THRB: variants seen among roughly 807,000 people sequenced by gnomAD.
The protein encoded by THRB is thyroid hormone receptor beta, also known as nuclear receptor subfamily 1 group A member 2.
Under a neutral mutation model 47.8 loss-of-function variants are expected in THRB, and 12 were observed. The observed-to-expected ratio is 0.25, with a 90% CI of 0.16 to 0.41. The LOEUF is 0.41. Among genes scored for constraint, THRB ranks in the 10% least tolerant of loss-of-function variants. The pLI, the probability that THRB is intolerant of heterozygous loss-of-function variation, is 1.00. For synonymous variants in THRB, 218 were observed against 212.2 expected (o/e 1.03, Z -0.24); for missense variants, 348 against 589.2 (o/e 0.59, Z 4.24).
intron 2 of THRB, among the ~76,000 whole-genome samples, chr3:24,336,881 C>T (rs183710061): frequency 0.02 from 3,002 of 152,170 alleles, 36 homozygotes; most frequent in African/African-American, 0.039. Flanking sequence ...ACCACCACGC[C>T]TGGCTAATTT....
At chr3:24,322,290 A>G (rs1435137114) in intron 2 of THRB, among the ~76,000 whole-genome samples, 1 of 152,200 alleles carries the variant, frequency 6.6e-6, no homozygotes, top group Admixed American at 6.5e-5. Context: ...AAACTGTTCT[A>G]TTCTTTCAAA....
At chr3:24,354,701 T>C (rs1186792547) in intron 1 of THRB, among the ~76,000 whole-genome samples, 1 of 152,126 alleles carries the variant, frequency 6.6e-6, no homozygotes, top group Non-Finnish European at 1.5e-5. Context: ...GATTACTGTG[T>C]CAACTCATGA....
At chr3:24,403,966 C>T (rs1053165103) in intron 1 of THRB, among the ~76,000 whole-genome samples, 8 of 151,942 alleles carry the variant, frequency 5.3e-5, no homozygotes, top group African/African-American at 1.9e-4. Flanking sequence ...GAGTCTGTCA[C>T]TTCAACAAAA....
chr3:24,259,936 G>T (rs908417500), intron 3 of THRB, among the ~76,000 whole-genome samples: 9 of 152,066 alleles, frequency 5.9e-5, no homozygotes, highest in Admixed American at 3.9e-4. Flanking sequence ...CCCACAGAAA[G>T]TATACAGTTT....
At chr3:24,176,663 A>AAAAC (rs2041196151) in intron 5 of THRB, among the ~76,000 whole-genome samples, 1 of 152,196 alleles carries the variant, frequency 6.6e-6, no homozygotes, top group South Asian at 2.1e-4. Context: ...GTGAATCTCA[A>AAAAC]AAACAGTATA....
intron 5 of THRB, among the ~76,000 whole-genome samples, chr3:24,187,511 G>C (rs1181690239): frequency 6.6e-6 from 1 of 152,162 alleles, no homozygotes; most frequent in Non-Finnish European, 1.5e-5. Context: ...GGGGTCCTTG[G>C]AATAGGGCTA....
intron 3 of THRB, among the ~76,000 whole-genome samples, chr3:24,278,039 C>G (rs2054119939): frequency 6.6e-6 from 1 of 152,096 alleles, no homozygotes; most frequent in African/African-American, 2.4e-5. Context: ...TTCTTCTAAT[C>G]TGATGAAGGG....
chr3:24,426,672 T>C (rs1394508963), intron 1 of THRB, among the ~76,000 whole-genome samples: 1 of 152,022 alleles, frequency 6.6e-6, no homozygotes, highest in Admixed American at 6.6e-5. Flanking sequence ...CTGGGTTAAC[T>C]AAATTCTGTG....
At chr3:24,373,275 G>A (rs1275592572) in intron 1 of THRB, among the ~76,000 whole-genome samples, 3 of 152,134 alleles carry the variant, frequency 2.0e-5, no homozygotes, top group Non-Finnish European at 2.9e-5. Context: ...TCACGATCTG[G>A]AGAGATAATG....
intron 3 of THRB, among the ~76,000 whole-genome samples, chr3:24,292,682 G>C (rs1052846900): frequency 6.6e-6 from 1 of 152,154 alleles, no homozygotes; most frequent in Admixed American, 6.5e-5. Context: ...AAATCTTGTC[G>C]AGTAAAGAAG....
chr3:24,278,275 C>A (rs1447009334), intron 3 of THRB, among the ~76,000 whole-genome samples: 1 of 152,018 alleles, frequency 6.6e-6, no homozygotes, highest in Non-Finnish European at 1.5e-5. Context: ...TCAGGACTGG[C>A]AGAAGCAGGC....
intron 1 of THRB, among the ~76,000 whole-genome samples, chr3:24,493,404 G>C (rs1476955339): frequency 6.6e-6 from 1 of 152,134 alleles, no homozygotes; most frequent in African/African-American, 2.4e-5. Flanking sequence ...TTGCCCAACA[G>C]GTCTACATTA....
At chr3:24,146,487 G>T (rs2036119990) in intron 7 of THRB, among the ~76,000 whole-genome samples, 188 bp downstream of exon 7, 1 of 152,218 alleles carries the variant, frequency 6.6e-6, no homozygotes, top group African/African-American at 2.4e-5. Context: ...AACCCACCCA[G>T]CAATGGCTCC....
Position 24,139,387 on chromosome 3 carries a change from TTC to T in THRB, c.738+4112_738+4113del, listed in dbSNP as rs1491559272. Among the ~76,000 whole-genome samples, 359 of 99,146 alleles carry T rather than the reference TTC, an allele frequency of 3.6e-3. 1 individual carries two copies. Among genetic ancestry groups the T allele is most frequent in the Non-Finnish European group, 6.4e-3 (266 of 41,704 alleles). 65.0% of individuals were successfully genotyped at this position (99,146 alleles called of 152,430 possible). ...CTTTCTTTCTTTCTTTTTCTTTTCT[TTC>T]TTTTTTTTTTTTGAGACATGGTTTT... On this transcript the variant is annotated intron_variant, in intron 8 of 10. Coordinates refer to ENST00000646209, the MANE Select transcript of THRB (RefSeq NM_001354712.2).
intron 3 of THRB, among the ~76,000 whole-genome samples, chr3:24,280,881 T>C (rs1465307656): frequency 4.6e-5 from 7 of 151,976 alleles, no homozygotes; most frequent in Non-Finnish European, 8.8e-5. Context: ...AAGGGAAGTT[T>C]AGAGAAAAAG....
chr3:24,424,847 C>T (rs1172762948), intron 1 of THRB, among the ~76,000 whole-genome samples: 1 of 151,896 alleles, frequency 6.6e-6, no homozygotes, highest in African/African-American at 2.4e-5. Flanking sequence ...ATGTTATTAA[C>T]ATTTGATATA....
chr3:24,319,236 C>T (rs1288151812), intron 2 of THRB, among the ~76,000 whole-genome samples: 5 of 152,120 alleles, frequency 3.3e-5, no homozygotes, highest in Admixed American at 2.0e-4. Context: ...ACCCTATAGC[C>T]TAGCAAATCT....
At chr3:24,417,940 C>A (rs1329197030) in intron 1 of THRB, among the ~76,000 whole-genome samples, 1 of 151,890 alleles carries the variant, frequency 6.6e-6, no homozygotes, top group African/African-American at 2.4e-5. Flanking sequence ...GAGTCACATT[C>A]AAACCCAGGT....
intron 1 of THRB, among the ~76,000 whole-genome samples, chr3:24,403,876 G>T (rs1257719200): frequency 1.3e-5 from 2 of 151,880 alleles, no homozygotes. Flanking sequence ...ACATAATTTA[G>T]TTTTTCTTGA....
Sources: allele counts gnomAD v4.1 joint callset (sites outside exome capture counted in the v4.1 genomes callset), GRCh38; gene constraint gnomAD v4.1.1; transcripts MANE v1.5; gene names NCBI Gene and HGNC (gene_info 2026-07-23, HGNC 2026-07-21).